The following SVOPL variants were observed in gnomAD, a reference collection of about 807,000 sequenced individuals.
SVOPL encodes the protein SVOP like.
Under a neutral mutation model 61.0 loss-of-function variants are expected in SVOPL, and 60 were observed. The observed-to-expected ratio is 0.98, with a 90% confidence interval of 0.80 to 1.22. The LOEUF is 1.22. Among genes scored for constraint, SVOPL ranks in the 50% most tolerant of loss-of-function variants. The pLI is 0.00. For missense variants in SVOPL, 662 were observed against 643.9 expected, an observed-to-expected ratio of 1.03 and a Z score of -0.30; for synonymous variants, 279 against 250.0, an observed-to-expected ratio of 1.12 and a Z score of -1.09.
chr7:138,701,230 A>G lies in SVOPL; in HGVS notation c.-87T>C, dbSNP rs548202361. 1 of 151,918 alleles carries G rather than the reference A, an allele frequency of 6.6e-6. No individual in the cohort carries two copies. The highest frequency in any genetic ancestry group is 2.1e-4 in the South Asian group (1 of 4,786). 9.4% of individuals were successfully genotyped at this position (151,918 alleles called of 1,614,324 possible). On this transcript the variant is annotated 5_prime_UTR_variant, in exon 1 of 16. Coordinates refer to ENST00000674285, the MANE Select transcript of SVOPL (RefSeq NM_001139456.2). ...AATTTCAGGCTCTTTTGCTCCCCTC[A>G]CCGTGGCCAAGTCTTAGACGGAAAT...
intron 3 of SVOPL, among the ~76,000 whole-genome samples, chr7:138,673,443 G>A (rs1802479425): frequency 6.6e-6 from 1 of 152,160 alleles, no homozygotes; most frequent in Non-Finnish European, 1.5e-5. Context: ...GATCACTTGA[G>A]GCCAGGAGTT....
At chr7:138,637,451 GATA>G (rs1563108571) in intron 9 of SVOPL, among the ~76,000 whole-genome samples, 1 of 36,022 alleles carries the variant, frequency 2.8e-5, no homozygotes, top group East Asian at 6.4e-3. Context: ...TAGATAGATA[GATA>G]GATATATATA....
intron 14 of SVOPL, among the ~76,000 whole-genome samples, chr7:138,605,640 CAAA>C (rs1159063438): frequency 5.9e-5 from 5 of 84,270 alleles, no homozygotes; most frequent in Admixed American, 2.5e-4. Context: ...CTAACCTGGG[CAAA>C]AAAAAAAAAA....
chr7:138,653,379 A>C (rs1022378077), intron 7 of SVOPL, among the ~76,000 whole-genome samples: 5 of 152,206 alleles, frequency 3.3e-5, no homozygotes, highest in African/African-American at 1.2e-4. Context: ...AGAGGAAAAA[A>C]TCAGTGCCTA....
At chr7:138,679,656 G>C (rs540643064) in intron 1 of SVOPL, among the ~76,000 whole-genome samples, 1 of 152,180 alleles carries the variant, frequency 6.6e-6, no homozygotes, top group Admixed American at 6.5e-5. Flanking sequence ...TCCTAAAATG[G>C]GGATGATATA....
intron 1 of SVOPL, chr7:138,689,324 G>A: frequency 3.8e-6 from 6 of 1,591,926 alleles, no homozygotes; most frequent in Non-Finnish European, 5.1e-6. Context: ...TGGTCATTGA[G>A]CATATCCAAG....
Position 138,625,949 on chromosome 7 carries a change from A to G in SVOPL, c.1263+20T>C. The stretch of plus-strand genomic sequence containing the variant: ...TCACCTTACACACCCTTTGTAAGCA[A>G]GCCTTGCATGAAAACTCACCTCAGC... On this transcript the variant is annotated intron_variant, in intron 13 of 15. Coordinates refer to ENST00000674285, the MANE Select transcript of SVOPL (RefSeq NM_001139456.2). 1 of 1,613,734 alleles carries G rather than the reference A, an allele frequency of 6.2e-7. No homozygotes were observed. The highest frequency in any genetic ancestry group is 8.5e-7 in the Non-Finnish European group (1 of 1,179,750).
At chr7:138,610,014 G>A (rs534337105) in intron 14 of SVOPL, among the ~76,000 whole-genome samples, 2 of 152,094 alleles carry the variant, frequency 1.3e-5, no homozygotes, top group Non-Finnish European at 2.9e-5. Flanking sequence ...TTATAGATGT[G>A]AGCCAGCATG....
chr7:138,689,229 C>A, intron 1 of SVOPL: 1 of 1,480,896 alleles, frequency 6.8e-7, no homozygotes. Context: ...AGGTTGGTGG[C>A]CCAAAAAGAG....
intron 14 of SVOPL, chr7:138,597,246 C>A (rs1215957825): frequency 1.6e-6 from 2 of 1,285,954 alleles, no homozygotes; most frequent in African/African-American, 1.5e-5. Flanking sequence ...AACAGCAAAG[C>A]TCTCTAGAAT....
intron 14 of SVOPL, among the ~76,000 whole-genome samples, chr7:138,606,885 C>G (rs1224991812): frequency 2.0e-5 from 3 of 152,062 alleles, no homozygotes; most frequent in South Asian, 2.1e-4. Flanking sequence ...ACCCAGGAGG[C>G]AGAGGTTGCA....
chr7:138,688,466 C>T (rs1802869655), intron 1 of SVOPL, among the ~76,000 whole-genome samples: 1 of 152,096 alleles, frequency 6.6e-6, no homozygotes, highest in Admixed American at 6.5e-5. Flanking sequence ...ACAGGGGTTT[C>T]ACCATGTTGG....
intron 6 of SVOPL, among the ~76,000 whole-genome samples, chr7:138,658,273 C>T (rs1801841816): frequency 6.6e-6 from 1 of 152,088 alleles, no homozygotes; most frequent in Non-Finnish European, 1.5e-5. Context: ...AGTTCGATCC[C>T]ATCTGACATA....
intron 1 of SVOPL, among the ~76,000 whole-genome samples, chr7:138,699,023 A>G (rs1468770728): frequency 1.3e-5 from 2 of 152,184 alleles, no homozygotes; most frequent in African/African-American, 4.8e-5. Flanking sequence ...ATGGTAGCAC[A>G]TGCCTGTAGT....
chr7:138,623,902 C>G (rs1005949290), intron 13 of SVOPL, among the ~76,000 whole-genome samples: 1 of 152,144 alleles, frequency 6.6e-6, no homozygotes, highest in East Asian at 1.9e-4. Flanking sequence ...TCACCGCAAC[C>G]TTTGCCCCCC....
chr7:138,672,459 G>A (rs142691373), intron 3 of SVOPL, among the ~76,000 whole-genome samples: 6 of 152,052 alleles, frequency 3.9e-5, no homozygotes, highest in Non-Finnish European at 7.3e-5. Flanking sequence ...CTAGCTAACC[G>A]GCAGCATCCA....
rs535752451 is a variant in SVOPL at position 138,676,464 on chromosome 7, G to A, written c.174+1970C>T. ...AGTGGAGGAACCACTGCGCTCACAG[G>A]GTGGAAAGGCAAACAAGCTGAAACT... On this transcript the variant is annotated intron_variant, in intron 3 of 15. Coordinates refer to ENST00000674285, the MANE Select transcript of SVOPL (RefSeq NM_001139456.2). Among the ~76,000 whole-genome samples, 145 of 152,196 alleles carry A rather than the reference G, an allele frequency of 9.5e-4. 1 individual carries two copies. Among genetic ancestry groups the A allele is most frequent in the Non-Finnish European group, 1.7e-3 (114 of 68,016 alleles).
chr7:138,669,231 G>T (rs1414997367), intron 4 of SVOPL, among the ~76,000 whole-genome samples: 2 of 152,152 alleles, frequency 1.3e-5, no homozygotes, highest in African/African-American at 2.4e-5. Flanking sequence ...CAGGAGGATT[G>T]CTTGAGGCCA....
chr7:138,620,828 G>A (rs73164661), intron 14 of SVOPL, among the ~76,000 whole-genome samples: 212 of 152,280 alleles, frequency 1.4e-3, no homozygotes, highest in Non-Finnish European at 2.1e-3. Flanking sequence ...AACCCTGAAC[G>A]CAATGCAATG....
Sources: gnomAD v4.1 joint callset for allele counts (sites outside exome capture counted in the v4.1 genomes callset) on GRCh38, gnomAD v4.1.1 for gene constraint, MANE v1.5 for transcripts, NCBI Gene and HGNC (gene_info 2026-07-23, HGNC 2026-07-21) for gene names.